The following SAMD5 variants were observed in gnomAD, a reference collection of about 807,000 sequenced individuals.
SAMD5 encodes the protein sterile alpha motif domain containing 5.
In SAMD5, 13 loss-of-function variants were observed where a neutral mutation model predicts 11.3. That is an observed-to-expected ratio of 1.15 (90% CI 0.75 to 1.83). SAMD5 has a LOEUF of 1.83. Ranked by LOEUF, SAMD5 falls within the 40% of genes most tolerant of loss-of-function variation. The pLI is 0.00. For synonymous variants in SAMD5, 129 were observed against 111.3 expected, an observed-to-expected ratio of 1.16 and a Z score of -1.00; for missense variants, 255 against 239.1, an observed-to-expected ratio of 1.07 and a Z score of -0.44.
At chr6:147,744,660 G>T in the SAMD5 span, among the ~76,000 whole-genome samples, 26 of 152,286 alleles carry the variant, frequency 1.7e-4, no homozygotes, top group African/African-American at 6.3e-4. Context: ...CACTTTGGGA[G>T]GCCAAGGCGG....
chr6:147,546,961 G>A (rs1788696899), intron 1 of SAMD5, among the ~76,000 whole-genome samples: 1 of 152,088 alleles, frequency 6.6e-6, no homozygotes, highest in Admixed American at 6.6e-5. Context: ...AGTAGTTGAT[G>A]GCCTCACCTG....
the SAMD5 span, among the ~76,000 whole-genome samples, chr6:147,767,127 G>A: frequency 6.6e-6 from 1 of 152,180 alleles, no homozygotes; most frequent in Non-Finnish European, 1.5e-5. Context: ...GGATTAGAAG[G>A]CAAGTGTGCA....
intron 1 of SAMD5, among the ~76,000 whole-genome samples, chr6:147,677,023 A>G (rs1436337293): frequency 1.3e-5 from 2 of 151,764 alleles, no homozygotes; most frequent in Non-Finnish European, 2.9e-5. Context: ...TTCTTAAAGA[A>G]AGACAGTGGC....
At chr6:147,946,556 A>T in the SAMD5 span, among the ~76,000 whole-genome samples, 16 of 152,198 alleles carry the variant, frequency 1.1e-4, no homozygotes, top group Non-Finnish European at 2.1e-4. Flanking sequence ...GATCTTCACA[A>T]GACTTAAGTA....
the SAMD5 span, among the ~76,000 whole-genome samples, chr6:147,951,014 G>C: frequency 1.3e-5 from 2 of 150,808 alleles, no homozygotes; most frequent in Admixed American, 6.7e-5. Context: ...AGCCAGGCTT[G>C]GCTCTCCATG....
the SAMD5 span, among the ~76,000 whole-genome samples, chr6:147,836,451 C>A: frequency 2.7e-4 from 41 of 152,278 alleles, no homozygotes; most frequent in African/African-American, 9.6e-4. Flanking sequence ...TATGCTTAAC[C>A]TACCAAACAT....
At chr6:147,819,113 G>A in the SAMD5 span, among the ~76,000 whole-genome samples, 5 of 152,166 alleles carry the variant, frequency 3.3e-5, no homozygotes, top group Admixed American at 3.3e-4. Context: ...TAAAGAAAAT[G>A]TGGAACATAT....
intron 1 of SAMD5, among the ~76,000 whole-genome samples, chr6:147,688,699 G>A (rs948335716): frequency 6.6e-6 from 1 of 152,156 alleles, no homozygotes; most frequent in Non-Finnish European, 1.5e-5. Flanking sequence ...TAGCTATCAG[G>A]CTCACTTCTC....
intron 1 of SAMD5, among the ~76,000 whole-genome samples, chr6:147,668,870 GTAGTC>G (rs1239877501): frequency 2.0e-5 from 3 of 152,200 alleles, no homozygotes; most frequent in East Asian, 3.8e-4. Context: ...ATACTAGACT[GTAGTC>G]TAGTAAGTGT....
chr6:147,599,526 C>A (rs1789584571), intron 1 of SAMD5, among the ~76,000 whole-genome samples: 1 of 152,004 alleles, frequency 6.6e-6, no homozygotes, highest in Admixed American at 6.6e-5. Context: ...TTCTTTTTTT[C>A]CAGATAAAAT....
the SAMD5 span, among the ~76,000 whole-genome samples, chr6:147,951,190 T>TTTCTTTCTTTC: frequency 3.6e-4 from 52 of 142,804 alleles, no homozygotes; most frequent in East Asian, 4.7e-3. Flanking sequence ...TCTTTCTTTC[T>TTTCTTTCTTTC]TTTTTTTTTT....
At chr6:147,655,615 C>T (rs2128453808) in intron 1 of SAMD5, among the ~76,000 whole-genome samples, 1 of 152,194 alleles carries the variant, frequency 6.6e-6, no homozygotes, top group South Asian at 2.1e-4. Context: ...ACGACAAATG[C>T]TAAAGAATAT....
In SAMD5 at chr6:147,566,312, G is replaced by A; in HGVS notation, c.*1856G>A. Reference sequence around the variant, plus strand: ...CTTTTTTTTTTTTCCAAATGAACTAGGGTCTTTAAAATTCCTAAGTAGATT... The same window carrying A: ...CTTTTTTTTTTTTCCAAATGAACTAAGGTCTTTAAAATTCCTAAGTAGATT... On this transcript the variant is annotated 3_prime_UTR_variant, in exon 2 of 2. Coordinates refer to ENST00000367474, the MANE Select transcript of SAMD5 (RefSeq NM_001030060.3). 2 of 976,378 alleles carry A rather than the reference G, an allele frequency of 2.0e-6. No individual in the cohort carries two copies. The highest frequency in any genetic ancestry group is 9.5e-5 in the South Asian group (2 of 21,076). 60.5% of individuals were successfully genotyped at this position (976,378 alleles called of 1,614,324 possible).
At chr6:147,562,548 T>C (rs1011426756) in intron 1 of SAMD5, among the ~76,000 whole-genome samples, 2 of 152,114 alleles carry the variant, frequency 1.3e-5, no homozygotes, top group Admixed American at 1.3e-4. Context: ...GTTGGCCGGG[T>C]GTGGTGGCTC....
At chr6:147,550,708 A>C (rs1367021318) in intron 1 of SAMD5, among the ~76,000 whole-genome samples, 1 of 62,668 alleles carries the variant, frequency 1.6e-5, no homozygotes, top group East Asian at 0.033. Context: ...AAGAATGTGT[A>C]CAATAGACCT....
Position 147,567,823 on chromosome 6 carries a change from C to T in SAMD5, c.*3367C>T. ...GATAAAAAAGGCTACAGTACCTGCTCATAGGAGTTCAGTAAATGTTTATTG... is the reference window on the plus strand; with the variant it reads ...GATAAAAAAGGCTACAGTACCTGCTTATAGGAGTTCAGTAAATGTTTATTG... On this transcript the variant is annotated 3_prime_UTR_variant, in exon 2 of 2. Coordinates refer to ENST00000367474, the MANE Select transcript of SAMD5 (RefSeq NM_001030060.3). 1.0e-6 allele frequency: 1 copy of T among 985,186 alleles called. No individual in the cohort carries two copies. The highest frequency in any genetic ancestry group is 1.2e-6 in the Non-Finnish European group (1 of 829,742). The allele number at this position is 985,186 out of a possible 1,614,324, so 61.0% of individuals were successfully genotyped here. A position where few individuals can be genotyped will look rare whatever the true frequency, so the allele number is the denominator to read the frequency against.
chr6:147,881,864 G>C, the SAMD5 span, among the ~76,000 whole-genome samples: 1 of 152,164 alleles, frequency 6.6e-6, no homozygotes, highest in Non-Finnish European at 1.5e-5. Context: ...GCTTCGATCT[G>C]GGGGGATCGA....
At chr6:147,679,926 T>C (rs973202758) in intron 1 of SAMD5, among the ~76,000 whole-genome samples, 7 of 152,150 alleles carry the variant, frequency 4.6e-5, no homozygotes, top group Non-Finnish European at 7.4e-5. Context: ...ATATTGTGGT[T>C]CTATTTCTAG....
At chr6:147,692,305 A>G (rs1791115503) in intron 1 of SAMD5, 2 of 152,168 alleles carry the variant, frequency 1.3e-5, no homozygotes, top group Non-Finnish European at 2.9e-5. Context: ...TGATGCAATT[A>G]AATAGAAATG....
Sources: allele counts gnomAD v4.1 joint callset (sites outside exome capture counted in the v4.1 genomes callset), GRCh38; gene constraint gnomAD v4.1.1; transcripts MANE v1.5; gene names NCBI Gene and HGNC (gene_info 2026-07-23, HGNC 2026-07-21).